Variants in TENM3 observed in about 807,000 individuals in gnomAD.
The protein encoded by TENM3 is teneurin-3.
TENM3 carries 63 observed loss-of-function variants against 255.1 expected under a neutral mutation model. The ratio of observed to expected loss-of-function variants is 0.25; its 90% CI spans 0.20 to 0.30. The LOEUF (loss-of-function observed/expected upper bound fraction) is 0.30. TENM3 is among the 10% of genes least tolerant of loss of function. The pLI is 1.00. For synonymous variants in TENM3, 1,306 were observed against 1,322.3 expected (o/e 0.99, Z 0.27); for missense variants, 2,929 against 3,461.1 (o/e 0.85, Z 3.86).
At chr4:182,256,665 G>A (rs1286324036) in intron 1 of TENM3, among the ~76,000 whole-genome samples, 4 of 151,666 alleles carry the variant, frequency 2.6e-5, no homozygotes, top group African/African-American at 7.3e-5. Flanking sequence ...TGATCCACTC[G>A]TCCAAAAAAA....
Position 182,774,957 on chromosome 4 carries a change from C to T in TENM3, c.5108C>T (p.Ser1703Phe), listed in dbSNP as rs775579546. The T allele has an allele frequency of 1.4e-5, 22 of 1,613,660 alleles. No individual in the cohort carries two copies. The highest frequency in any genetic ancestry group is 1.8e-5 in the Non-Finnish European group (21 of 1,179,786). Reference protein sequence around the residue: ...RNSYQIGYDGSLRIIYASGLD... With the variant: ...RNSYQIGYDGFLRIIYASGLD... ...AGCTACCAGATTGGTTATGACGGCTCCCTCAGAATTATCTACGCCAGTGGC... is the reference window on the plus strand; with the variant it reads ...AGCTACCAGATTGGTTATGACGGCTTCCTCAGAATTATCTACGCCAGTGGC... The change falls in exon 24 of 28, where the codon TCC becomes TTC. Residue 1703 changes from serine (S) to phenylalanine (F), a missense_variant. Physicochemically the swap from Ser to Phe is radical, Grantham distance 155. Coordinates refer to ENST00000511685, the MANE Select transcript of TENM3 (RefSeq NM_001080477.4).
rs140651022 is a variant in TENM3 at position 182,228,426 on chromosome 4, A to C, written c.-76+83672A>C. Among the ~76,000 whole-genome samples, 240 of 147,010 alleles carry C rather than the reference A, an allele frequency of 1.6e-3. 3 individuals carry two copies. Among genetic ancestry groups the C allele is most frequent in the African/African-American group, 5.9e-3 (229 of 38,568 alleles). ...ATCCCTCCCAGCTCTAAAATTTGCA[A>C]CTCCAAGGTTGCATGTTGGAAATTG... is the stretch of plus-strand genomic sequence containing the variant. On this transcript the variant is annotated intron_variant, in intron 1 of 2. Coordinates refer to the TENM3 transcript ENST00000512480.
At chr4:181,708,842 C>T in the TENM3 span, among the ~76,000 whole-genome samples, 6 of 152,276 alleles carry the variant, frequency 3.9e-5, no homozygotes, top group South Asian at 1.2e-3. Context: ...GCTGATGCCA[C>T]GTTTGCAGTC....
At position 182,324,064 on chromosome 4, in the gene TENM3, G is replaced by A. The variant is rs1329528928; in HGVS notation, c.44G>A (p.Ser15Asn). The change falls in exon 2 of 28, where the codon AGC becomes AAC. Residue 15 changes from serine (S) to asparagine (N), a missense_variant. By Grantham distance (46) the Ser-to-Asn change is conservative. Coordinates refer to ENST00000511685, the MANE Select transcript of TENM3 (RefSeq NM_001080477.4). ...AGGCCTTACTGCTCCCTGACCAAGA[G>A]CAGACGAGAGAAGGAACGGCGCTAC... ...ERRPYCSLTK[S>N]RREKERRYTN... The A allele has an allele frequency of 6.2e-7, 1 of 1,614,006 alleles. No homozygotes were observed. The highest frequency in any genetic ancestry group is 1.7e-5 in the Admixed American group (1 of 60,024).
chr4:182,327,317 T>C (rs1763475506), intron 2 of TENM3, among the ~76,000 whole-genome samples: 1 of 151,384 alleles, frequency 6.6e-6, no homozygotes, highest in East Asian at 1.9e-4. Context: ...ATTTAGCTTT[T>C]TTTGTCCATG....
At chr4:181,943,856 G>A in the TENM3 span, among the ~76,000 whole-genome samples, 2 of 152,194 alleles carry the variant, frequency 1.3e-5, no homozygotes, top group Admixed American at 6.5e-5. Flanking sequence ...CCCACAGCCT[G>A]TGATGTGGAT....
chr4:181,800,519 G>C, the TENM3 span, among the ~76,000 whole-genome samples: 1 of 152,176 alleles, frequency 6.6e-6, no homozygotes, highest in Non-Finnish European at 1.5e-5. Flanking sequence ...TGGAATCCCA[G>C]CTACTCAGGA....
the TENM3 span, among the ~76,000 whole-genome samples, chr4:181,860,192 C>T: frequency 6.6e-6 from 1 of 152,196 alleles, no homozygotes; most frequent in Non-Finnish European, 1.5e-5. Flanking sequence ...GGAATTCTCC[C>T]GGTTAATGTC....
intron 12 of TENM3, among the ~76,000 whole-genome samples, chr4:182,690,760 A>G (rs1287124847): frequency 6.6e-6 from 1 of 152,246 alleles, no homozygotes; most frequent in Non-Finnish European, 1.5e-5. Flanking sequence ...AGTTTCCCAT[A>G]GATGAGCTGT....
At chr4:181,896,665 G>C in the TENM3 span, among the ~76,000 whole-genome samples, 1 of 152,142 alleles carries the variant, frequency 6.6e-6, no homozygotes, top group East Asian at 1.9e-4. Context: ...TTGACCACTG[G>C]GGTGTATTTG....
At chr4:182,202,379 C>T (rs183593208) in intron 1 of TENM3, among the ~76,000 whole-genome samples, 56 of 148,500 alleles carry the variant, frequency 3.8e-4, no homozygotes, top group African/African-American at 1.4e-3. Flanking sequence ...AATCTCGGCT[C>T]ACCACAACCT....
At chr4:182,206,553 T>G (rs1031078032) in intron 1 of TENM3, among the ~76,000 whole-genome samples, 3 of 152,232 alleles carry the variant, frequency 2.0e-5, no homozygotes, top group Non-Finnish European at 4.4e-5. Flanking sequence ...CTGCTAGCTT[T>G]CTTTATGGAG....
At chr4:181,681,120 T>C in the TENM3 span, among the ~76,000 whole-genome samples, 1 of 152,010 alleles carries the variant, frequency 6.6e-6, no homozygotes, top group Non-Finnish European at 1.5e-5. Context: ...TTCTGTTAAA[T>C]GGAAACAGTC....
chr4:181,869,368 A>G, the TENM3 span, among the ~76,000 whole-genome samples: 1 of 152,204 alleles, frequency 6.6e-6, no homozygotes, highest in Non-Finnish European at 1.5e-5. Context: ...TGTATGCAAG[A>G]AAAGGATTTA....
the TENM3 span, among the ~76,000 whole-genome samples, chr4:181,647,554 T>C: frequency 1.3e-5 from 2 of 152,206 alleles, no homozygotes; most frequent in Non-Finnish European, 2.9e-5. Flanking sequence ...TGTTTGCTTT[T>C]GTCGCTCATT....
chr4:182,382,178 G>C (rs1767618006), intron 3 of TENM3, among the ~76,000 whole-genome samples: 1 of 152,132 alleles, frequency 6.6e-6, no homozygotes, highest in Admixed American at 6.5e-5. Flanking sequence ...GATGCAAGTA[G>C]ATATATAATG....
intron 22 of TENM3, chr4:182,755,465 C>A (rs1561205859): frequency 3.8e-6 from 2 of 532,550 alleles, no homozygotes; most frequent in South Asian, 2.6e-5. Context: ...TTGCTTGAGC[C>A]CAGGACTTCG....
chr4:181,818,611 CT>C, the TENM3 span, among the ~76,000 whole-genome samples: 75,917 of 141,432 alleles, frequency 0.54, 19,945 homozygotes, highest in Admixed American at 0.66. Flanking sequence ...CAGTAAATCT[CT>C]TTTTTTTTTT....
At chr4:182,469,194 T>C (rs149686760) in intron 3 of TENM3, among the ~76,000 whole-genome samples, 127 of 152,320 alleles carry the variant, frequency 8.3e-4, no homozygotes, top group African/African-American at 2.4e-3. Context: ...CTGAATGAAT[T>C]TGAAAAACTA....
Sources: allele counts gnomAD v4.1 joint callset (sites outside exome capture counted in the v4.1 genomes callset), GRCh38; gene constraint gnomAD v4.1.1; transcripts MANE v1.5; gene names NCBI Gene and HGNC (gene_info 2026-07-23, HGNC 2026-07-21).